Variants in ZNF584 observed in about 807,000 individuals in gnomAD.
The protein encoded by ZNF584 is zinc finger protein 584.
In ZNF584, 12 loss-of-function variants were observed where a neutral mutation model predicts 14.7. That is an observed-to-expected ratio of 0.82 (90% CI 0.52 to 1.32). The LOEUF (loss-of-function observed/expected upper bound fraction) is 1.32. ZNF584 is among the 40% of genes most tolerant of loss of function. ZNF584 has a pLI of 0.00. For missense variants in ZNF584, 478 were observed against 518.8 expected, an observed-to-expected ratio of 0.92 and a Z score of 0.76; for synonymous variants, 204 against 190.9, an observed-to-expected ratio of 1.07 and a Z score of -0.57.
chr19:58,410,529 A>G (rs1386169866), intron 2 of ZNF584, among the ~76,000 whole-genome samples: 2 of 18,584 alleles, frequency 1.1e-4, no homozygotes, highest in Admixed American at 6.1e-4. Context: ...ATATATATAT[A>G]TATATATATA....
upstream of ZNF584, chr19:58,406,350 G>C (rs2052473311): frequency 1.6e-5 from 1 of 61,090 alleles, no homozygotes; most frequent in African/African-American, 8.0e-5. Context: ...AGAGCGGGGG[G>C]GGGGGGAGGG....
intron 3 of ZNF584, chr19:58,415,860 GC>G: frequency 1.9e-6 from 3 of 1,599,720 alleles, no homozygotes; most frequent in Non-Finnish European, 2.5e-6. Context: ...TCTCCTCATT[GC>G]CCTTCTCTGT....
chr19:58,405,211 GC>G (rs2052459575), upstream of ZNF584: 1 of 144,104 alleles, frequency 6.9e-6, no homozygotes, highest in Non-Finnish European at 1.5e-5. Context: ...GGCTGGCCGC[GC>G]GGGGGGCTGA....
chr19:58,416,748 TG>T, intron 3 of ZNF584, 62 bp from the exon 4 acceptor site: 1 of 1,511,130 alleles, frequency 6.6e-7, no homozygotes, highest in Non-Finnish European at 8.8e-7. Flanking sequence ...TGACATGCAC[TG>T]GTGATTAAGG....
At chr19:58,411,387 G>A (rs1041040455) in intron 2 of ZNF584, among the ~76,000 whole-genome samples, 5 of 151,732 alleles carry the variant, frequency 3.3e-5, no homozygotes, top group Admixed American at 2.6e-4. Context: ...CTAGCCAGGT[G>A]TGGTGGCACA....
chr19:58,408,009 C>T (rs1330736018), upstream of ZNF584: 1 of 152,246 alleles, frequency 6.6e-6, no homozygotes, highest in Non-Finnish European at 1.5e-5. Context: ...ATACGTCGCC[C>T]GCATTGTGGG....
upstream of ZNF584, chr19:58,406,348 G>GGC (rs2052473236): frequency 2.3e-5 from 2 of 86,544 alleles, no homozygotes; most frequent in Non-Finnish European, 4.4e-5. Context: ...AAAGAGCGGG[G>GGC]GGGGGGGGAG....
At chr19:58,412,334 C>T (rs963823426) in intron 2 of ZNF584, among the ~76,000 whole-genome samples, 4 of 151,144 alleles carry the variant, frequency 2.6e-5, no homozygotes, top group Non-Finnish European at 4.4e-5. Flanking sequence ...CTCAGCCTCC[C>T]GAGTAGCTGG....
At position 58,417,308 on chromosome 19, in the gene ZNF584, C is replaced by G. The variant is rs1277253522; in HGVS notation, c.790C>G (p.His264Asp). 1 of 1,614,220 alleles carries G rather than the reference C, an allele frequency of 6.2e-7. No individual in the cohort carries two copies. The highest frequency in any genetic ancestry group is 2.2e-5 in the East Asian group (1 of 44,890). Reference protein sequence around the residue: ...KDALVLHQRIHTGERPYECSK... With the variant: ...KDALVLHQRIDTGERPYECSK... ...CGCACTTGTTCTACACCAGAGGATT[C>G]ACACTGGAGAAAGGCCTTACGAGTG... Residue 264 changes from histidine (H) to aspartate (D), a missense_variant, in exon 4 of 4, where the codon CAC (histidine) becomes GAC (aspartate). Physicochemically the swap from His to Asp is moderately conservative, Grantham distance 81. This residue lies in a region of ZNF584 where 283 missense variants were observed against 317.3 expected (regional missense o/e 0.89). Coordinates refer to ENST00000306910, the MANE Select transcript of ZNF584 (RefSeq NM_173548.3).
Position 58,417,117 on chromosome 19 carries a change from C to T in ZNF584, c.599C>T (p.Ala200Val), listed in dbSNP as rs1021920181. The T allele has an allele frequency of 3.1e-6, 5 of 1,613,882 alleles. No individual in the cohort carries two copies. In the Admixed American group the frequency reaches 8.3e-5, roughly 27 times the overall value. The change falls in exon 4 of 4, where the codon GCT becomes GTT. Residue 200 changes from alanine (A) to valine (V), a missense_variant. By Grantham distance (64) the Ala-to-Val change is moderately conservative. Transcript: ENST00000306910. ...GGCAGAAGTGCTTTCAAGAAGTCAG[C>T]TCATATTAACCCCCGAAAAATTCAC... ...PTGRSAFKKS[A>V]HINPRKIHTG...
At chr19:58,416,027 C>T in intron 3 of ZNF584, 1 of 1,489,424 alleles carries the variant, frequency 6.7e-7, no homozygotes, top group Non-Finnish European at 9.0e-7. Context: ...AGACACATGC[C>T]TCCTCATAGT....
At chr19:58,402,071 G>C (rs906435832) in intron 1 of ZNF584, among the ~76,000 whole-genome samples, 2 of 151,684 alleles carry the variant, frequency 1.3e-5, no homozygotes, top group South Asian at 2.1e-4. Flanking sequence ...ACTCCGTTTG[G>C]GGGGGTAAAG....
chr19:58,409,904 T>G, intron 1 of ZNF584, 37 bp from the exon 2 acceptor site: 2 of 1,613,408 alleles, frequency 1.2e-6, no homozygotes, highest in Non-Finnish European at 1.7e-6. Context: ...TCTGTCCATA[T>G]TTTGGTTGTT....
chr19:58,415,842 G>GCCC, intron 3 of ZNF584, 196 bp downstream of exon 3: 1 of 1,601,042 alleles, frequency 6.2e-7, no homozygotes, highest in East Asian at 2.2e-5. Flanking sequence ...CTGCCTCTCT[G>GCCC]GCCTGCGTCT....
intron 2 of ZNF584, among the ~76,000 whole-genome samples, chr19:58,410,835 A>G (rs976517636): frequency 9.4e-6 from 1 of 106,862 alleles, no homozygotes; most frequent in African/African-American, 3.7e-5. Context: ...TCTGTTGCCC[A>G]GGCTGGAGTG....
chr19:58,404,588 T>G (rs1316522721), upstream of ZNF584: 3 of 188,308 alleles, frequency 1.6e-5, no homozygotes, highest in African/African-American at 2.4e-5. Context: ...GGCAGAAGAA[T>G]TTTTCTTAGT....
At chr19:58,412,199 C>T (rs1255653323) in intron 2 of ZNF584, among the ~76,000 whole-genome samples, 2,480 of 83,866 alleles carry the variant, frequency 0.03, 185 homozygotes, top group African/African-American at 0.13. Context: ...CCAGGGTGGT[C>T]TTTTTTTTTT....
upstream of ZNF584, chr19:58,405,864 G>T: frequency 6.2e-6 from 1 of 161,476 alleles, no homozygotes; most frequent in Non-Finnish European, 1.4e-5. Context: ...TTTCCAGACT[G>T]GGCAGCCAGG....
At position 58,409,140 on chromosome 19, in the gene ZNF584, A is replaced by G; in HGVS notation, c.-8A>G. 5 of 1,451,384 alleles carry G rather than the reference A, an allele frequency of 3.4e-6. No homozygotes were observed. The highest frequency in any genetic ancestry group is 2.8e-5 in the East Asian group (1 of 36,106). 89.9% of individuals were successfully genotyped at this position (1,451,384 alleles called of 1,614,324 possible). Reference sequence around the variant, plus strand: ...GGTCCAGTCCACGGGTTCTGCCCGCACGGTCCAATGGCCGGGGAGGCGGAG... The same window carrying G: ...GGTCCAGTCCACGGGTTCTGCCCGCGCGGTCCAATGGCCGGGGAGGCGGAG... On this transcript the variant is annotated 5_prime_UTR_variant, in exon 1 of 4. Coordinates refer to ENST00000306910, the MANE Select transcript of ZNF584 (RefSeq NM_173548.3).
Sources: gnomAD v4.1 joint callset for allele counts (sites outside exome capture counted in the v4.1 genomes callset) on GRCh38, gnomAD v4.1.1 for gene constraint, gnomAD v4.1.1 regional missense constraint, MANE v1.5 for transcripts, NCBI Gene and HGNC (gene_info 2026-07-23, HGNC 2026-07-21) for gene names.